The following NRG1 variants were observed in gnomAD, a reference collection of about 807,000 sequenced individuals.
The protein encoded by NRG1 is neuregulin 1.
In NRG1, 18 loss-of-function variants were observed where a neutral mutation model predicts 63.8. The ratio of observed to expected loss-of-function variants is 0.28; its 90% CI spans 0.19 to 0.42. The LOEUF (loss-of-function observed/expected upper bound fraction) is 0.42, where lower values mean the gene tolerates loss of function less well. NRG1 is among the 10% of genes least tolerant of loss of function. The pLI is 1.00. For synonymous variants in NRG1, 302 were observed against 301.3 expected (o/e 1.00, Z -0.02); for missense variants, 762 against 814.7 (o/e 0.94, Z 0.79).
chr8:32,190,449 C>A (rs1842381325), intron 1 of NRG1, among the ~76,000 whole-genome samples: 1 of 152,116 alleles, frequency 6.6e-6, no homozygotes, highest in Non-Finnish European at 1.5e-5. Context: ...TGTGAGGTCC[C>A]AGTTCATCTT....
chr8:32,108,989 G>A (rs1585349567), intron 1 of NRG1, among the ~76,000 whole-genome samples: 2 of 152,130 alleles, frequency 1.3e-5, no homozygotes, highest in South Asian at 4.1e-4. Flanking sequence ...AGACAATAAC[G>A]TCTGTTTAAC....
chr8:32,712,776 T>C (rs1464946625), intron 5 of NRG1, among the ~76,000 whole-genome samples: 3 of 152,314 alleles, frequency 2.0e-5, no homozygotes, highest in Non-Finnish European at 4.4e-5. Flanking sequence ...CTACCATTAC[T>C]GTGGTAGTGA....
chr8:32,075,077 T>C (rs1199099077), intron 1 of NRG1, among the ~76,000 whole-genome samples: 1 of 152,200 alleles, frequency 6.6e-6, no homozygotes, highest in Non-Finnish European at 1.5e-5. Flanking sequence ...TGTGAGTGGG[T>C]CAAATGACCT....
intron 1 of NRG1, among the ~76,000 whole-genome samples, chr8:31,840,605 A>G (rs1826108342): frequency 6.6e-6 from 1 of 152,032 alleles, no homozygotes; most frequent in Non-Finnish European, 1.5e-5. Context: ...TTCTGCCCCC[A>G]TGTCATAGAA....
intron 1 of NRG1, among the ~76,000 whole-genome samples, chr8:32,502,703 C>G (rs1406549907): frequency 2.0e-5 from 3 of 151,800 alleles, no homozygotes; most frequent in African/African-American, 7.3e-5. Context: ...TCTCCTTGTA[C>G]TCTTTGCCTG....
intron 5 of NRG1, among the ~76,000 whole-genome samples, chr8:32,672,270 T>C (rs1366980283): frequency 6.6e-6 from 1 of 152,190 alleles, no homozygotes; most frequent in East Asian, 1.9e-4. Context: ...GGTCTCGAAC[T>C]CCTGACCTTG....
chr8:32,312,661 T>C (rs12546941), intron 1 of NRG1, among the ~76,000 whole-genome samples: 48,088 of 151,840 alleles, frequency 0.32, 8,253 homozygotes, highest in South Asian at 0.47. Context: ...CCGTTAGGAC[T>C]GCCTCCCACC....
intron 1 of NRG1, among the ~76,000 whole-genome samples, chr8:32,553,854 T>A (rs1834605296): frequency 6.6e-6 from 1 of 152,190 alleles, no homozygotes; most frequent in South Asian, 2.1e-4. Flanking sequence ...AAATTCACAT[T>A]TCTAGTTTTT....
In NRG1 at chr8:32,055,912, A is replaced by G. The variant is rs569559717; in HGVS notation, c.37+416481A>G. On this transcript the variant is annotated intron_variant, in intron 1 of 10. Transcript: ENST00000519301. ...TAGCAGACTAGGTAGGAGAGGATCC[A>G]TTCCTCAGAATCAGGTTCATGTTAA... Among the ~76,000 whole-genome samples, 17 of 152,252 alleles carry G rather than the reference A, an allele frequency of 1.1e-4. No homozygotes were observed. In the East Asian group the frequency reaches 3.1e-3, roughly 28 times the overall value.
chr8:32,412,420 C>CTATATATA (rs1815119920), intron 1 of NRG1, among the ~76,000 whole-genome samples: 2 of 41,820 alleles, frequency 4.8e-5, no homozygotes, highest in African/African-American at 1.4e-4. Context: ...CTCTCTCTCT[C>CTATATATA]TACATATATA....
chr8:32,362,205 T>C (rs1019619035), intron 1 of NRG1, among the ~76,000 whole-genome samples: 2 of 152,198 alleles, frequency 1.3e-5, no homozygotes, highest in South Asian at 4.1e-4. Context: ...TATGAAGTAA[T>C]TGATTTGAAT....
At chr8:32,187,733 A>T (rs994338828) in intron 1 of NRG1, among the ~76,000 whole-genome samples, 3 of 151,776 alleles carry the variant, frequency 2.0e-5, no homozygotes, top group African/African-American at 4.9e-5. Context: ...GGTGGCGCAA[A>T]GCAGTCCAGC....
intron 1 of NRG1, among the ~76,000 whole-genome samples, chr8:32,432,812 A>G (rs1056230109): frequency 6.6e-6 from 1 of 152,140 alleles, no homozygotes; most frequent in African/African-American, 2.4e-5. Flanking sequence ...TAATATCACA[A>G]CGAAGTGCAG....
intron 1 of NRG1, among the ~76,000 whole-genome samples, chr8:32,499,353 G>A (rs1013295662): frequency 5.9e-5 from 9 of 152,198 alleles, no homozygotes; most frequent in Non-Finnish European, 1.0e-4. Context: ...GCCAGTTTTT[G>A]AGTCCAGAAG....
At chr8:31,662,683 G>A (rs34287856) in intron 1 of NRG1, among the ~76,000 whole-genome samples, 14,273 of 152,196 alleles carry the variant, frequency 0.094, 808 homozygotes, top group Middle Eastern at 0.15. Context: ...GCAGAGACTC[G>A]TTGTGTGTCT....
chr8:32,387,356 C>T (rs939262529), intron 1 of NRG1, among the ~76,000 whole-genome samples: 1 of 152,126 alleles, frequency 6.6e-6, no homozygotes, highest in African/African-American at 2.4e-5. Flanking sequence ...CCTTTGCATT[C>T]TAAGAATGAT....
chr8:32,024,014 A>G (rs1260372277), intron 1 of NRG1, among the ~76,000 whole-genome samples: 4 of 152,184 alleles, frequency 2.6e-5, no homozygotes, highest in African/African-American at 7.2e-5. Context: ...TATGCGGCCA[A>G]GAGGTTACAC....
exon 10 of NRG1, chr8:32,759,345 G>T (rs985787393): frequency 1.2e-6 from 2 of 1,613,818 alleles, no homozygotes; most frequent in Non-Finnish European, 1.7e-6. Flanking sequence ...TGAGCATATT[G>T]TTGAGAGAGA....
intron 1 of NRG1, among the ~76,000 whole-genome samples, chr8:32,371,266 C>T (rs1243417237): frequency 6.6e-6 from 1 of 152,162 alleles, no homozygotes; most frequent in African/African-American, 2.4e-5. Flanking sequence ...AGGGAGATTA[C>T]TTGCACTGGA....
Sources: gnomAD v4.1 joint callset for allele counts (sites outside exome capture counted in the v4.1 genomes callset) on GRCh38, gnomAD v4.1.1 for gene constraint, MANE v1.5 for transcripts, NCBI Gene and HGNC (gene_info 2026-07-23, HGNC 2026-07-21) for gene names.